The following ZNF347 variants were observed in gnomAD, a reference collection of about 807,000 sequenced individuals.
ZNF347 encodes zinc finger protein 347, also known as CTD-2620I22.7.
In ZNF347, 19 loss-of-function variants were observed where a neutral mutation model predicts 12.9. The observed-to-expected ratio is 1.47, with a 90% CI of 1.03 to 2.16. ZNF347 has a LOEUF of 2.16. ZNF347 is among the 30% of genes most tolerant of loss of function. The probability of loss-of-function intolerance (pLI) is 0.00; values close to 1 mark genes in which losing one functional copy is unlikely to be tolerated. For synonymous variants in ZNF347, 328 were observed against 340.6 expected (o/e 0.96, Z 0.41); for missense variants, 1,005 against 990.6 (o/e 1.01, Z -0.19).
intron 2 of ZNF347, among the ~76,000 whole-genome samples, chr19:53,149,748 G>A (rs113708963): frequency 9.2e-5 from 14 of 152,160 alleles, no homozygotes; most frequent in African/African-American, 3.1e-4. Flanking sequence ...GTAAGCAATC[G>A]TGCCCACTTA....
chr19:53,150,001 T>C (rs2090487652), intron 2 of ZNF347, among the ~76,000 whole-genome samples: 1 of 152,150 alleles, frequency 6.6e-6, no homozygotes, highest in Non-Finnish European at 1.5e-5. Flanking sequence ...AATAAATGGG[T>C]CAATATAAAT....
intron 1 of ZNF347, among the ~76,000 whole-genome samples, chr19:53,158,502 C>A (rs570457809): frequency 6.9e-6 from 1 of 145,600 alleles, no homozygotes; most frequent in African/African-American, 2.5e-5. Context: ...CGCGAAAGGC[C>A]GGGGACAGGG....
At chr19:53,143,184 T>G (rs1479143821) in intron 4 of ZNF347, among the ~76,000 whole-genome samples, 2 of 152,156 alleles carry the variant, frequency 1.3e-5, no homozygotes, top group African/African-American at 4.8e-5. Flanking sequence ...TGATATTGAT[T>G]TGAGATAAAT....
intron 1 of ZNF347, among the ~76,000 whole-genome samples, chr19:53,156,240 A>T (rs1410611523): frequency 1.3e-5 from 2 of 152,036 alleles, no homozygotes; most frequent in African/African-American, 2.4e-5. Context: ...CTCTACTAAA[A>T]ATACAAAAAT....
chr19:53,155,755 G>C (rs182658511), intron 1 of ZNF347, among the ~76,000 whole-genome samples: 1 of 152,206 alleles, frequency 6.6e-6, no homozygotes, highest in Non-Finnish European at 1.5e-5. Context: ...TTGATGGCAC[G>C]CATATTGTCC....
chr19:53,140,373 T>G lies in ZNF347; in HGVS notation c.2455A>C (p.Lys819Gln). ...QTIHTGGKPY[K>Q]CNVWKVLKSE... The stretch of plus-strand genomic sequence containing the variant: ...TTTAGAACTTTCCACACGTTACATT[T>G]GTAAGGTTTCCCACCAGTATGGATT... The change falls in exon 5 of 5, where the codon AAA (lysine) becomes CAA (glutamine). Residue 819 changes from lysine (K) to glutamine (Q), a missense_variant. Coordinates refer to ENST00000334197, the MANE Select transcript of ZNF347 (RefSeq NM_032584.3). 2 of 1,603,334 alleles carry G rather than the reference T, an allele frequency of 1.2e-6. No homozygotes were observed. Among genetic ancestry groups the G allele is most frequent in the Non-Finnish European group, 1.7e-6 (2 of 1,175,826 alleles).
chr19:53,156,989 T>C (rs2090540085), intron 1 of ZNF347, among the ~76,000 whole-genome samples: 2 of 152,136 alleles, frequency 1.3e-5, no homozygotes, highest in Admixed American at 6.5e-5. Context: ...CCCTGTTGTA[T>C]TGAGTGTGAC....
rs2090383247 is a variant in ZNF347 at position 53,135,375 on chromosome 19, G to GAGAGAGAGAGAA, written c.*4932_*4933insTTCTCTCTCTCT. The GAGAGAGAGAGAA allele has an allele frequency of 2.9e-5, 4 of 136,656 alleles. No homozygotes were observed. The highest frequency in any genetic ancestry group is 1.1e-4 in the African/African-American group (4 of 35,880). The allele number at this position is 136,656 out of a possible 1,614,324, so 8.5% of individuals were successfully genotyped here. On this transcript the variant is annotated 3_prime_UTR_variant, in exon 5 of 5. Transcript: ENST00000334197. ...AGAGAGAGAGAGAGAGAGAAAGAGA[G>GAGAGAGAGAGAA]AGAGAGAGAGAGAGAGAGATGGAGT...
chr19:53,158,018 T>C (rs1412640522), intron 1 of ZNF347, among the ~76,000 whole-genome samples: 1 of 152,210 alleles, frequency 6.6e-6, no homozygotes, highest in Non-Finnish European at 1.5e-5. Context: ...TCAGTTTTTC[T>C]ACTTCTCTCT....
At position 53,142,546 on chromosome 19, in the gene ZNF347, G is replaced by A. The variant is rs749929256; in HGVS notation, c.282C>T (p.Ser94=). The A allele has an allele frequency of 2.6e-5, 41 of 1,583,176 alleles. No individual in the cohort carries two copies. Among genetic ancestry groups the A allele is most frequent in the South Asian group, 3.5e-5 (3 of 86,064 alleles). Reference sequence around the variant, plus strand: ...GTAGTAAATCTTTCATTACAAATTCGGAAGAGAGAGCTACAAGATATAAAG... The same window carrying A: ...GTAGTAAATCTTTCATTACAAATTCAGAAGAGAGAGCTACAAGATATAAAG... ...WIKAVITALS[S]EFVMKDLLHK... The change falls in exon 5 of 5, where the codon TCC becomes TCT. Residue 94 remains serine (S), a synonymous_variant. Coordinates refer to ENST00000334197, the MANE Select transcript of ZNF347 (RefSeq NM_032584.3).
chr19:53,148,177 A>G (rs560794740), intron 4 of ZNF347, among the ~76,000 whole-genome samples: 1 of 152,358 alleles, frequency 6.6e-6, no homozygotes, highest in African/African-American at 2.4e-5. Flanking sequence ...AAGAGAAAGA[A>G]ATAAAAAGCA....
chr19:53,149,084 A>T, intron 3 of ZNF347, 157 bp downstream of exon 3: 1 of 1,444,694 alleles, frequency 6.9e-7, no homozygotes. Flanking sequence ...GGAAGAGGAA[A>T]ATTAAAATCC....
At position 53,141,593 on chromosome 19, in the gene ZNF347, T is replaced by G; in HGVS notation, c.1235A>C (p.Gln412Pro). The G allele has an allele frequency of 6.2e-7, 1 of 1,614,044 alleles. No homozygotes were observed. Among genetic ancestry groups the G allele is most frequent in the South Asian group, 1.1e-5 (1 of 91,072 alleles). Residue 412 changes from glutamine (Q) to proline (P), a missense_variant, in exon 5 of 5, where the codon CAA becomes CCA. Physicochemically the swap from Gln to Pro is moderately conservative, Grantham distance 76 (BLOSUM62 -1). Transcript: ENST00000334197. ...CCAGTGATTTGTAAGGTGTGAATTT[T>G]GAGTGAAGACCTTGCCACATTCATT... The part of the protein sequence containing the change: ...KCNECGKVFT[Q>P]NSHLTNHWRI...
Position 53,138,066 on chromosome 19 carries a change from C to G in ZNF347, c.*2242G>C, listed in dbSNP as rs149604576. On this transcript the variant is annotated 3_prime_UTR_variant, in exon 5 of 5. Transcript: ENST00000334197. ...CCATGATCCACCCGCCTTGGCCTCCCTAAGTGCTGGGATTACAGGTGTGAG... is the reference window on the plus strand; with the variant it reads ...CCATGATCCACCCGCCTTGGCCTCCGTAAGTGCTGGGATTACAGGTGTGAG... The G allele has an allele frequency of 6.6e-6, 1 of 152,200 alleles. No individual in the cohort carries two copies. Among genetic ancestry groups the G allele is most frequent in the South Asian group, 2.1e-4 (1 of 4,816 alleles). The allele number at this position is 152,200 out of a possible 1,614,324, so 9.4% of individuals were successfully genotyped here.
rs759327247 is a variant in ZNF347, at chr19:53,142,306, A to C, written c.522T>G (p.Asp174Glu). ...GATTTTTAATAAGCTTGTTTCTTGC[A>C]TCTCTTTTATCATGTTCATCTCTTC... ...THGRDEHDKR[D>E]ARNKLIKNQL... The change falls in exon 5 of 5, where the codon GAT becomes GAG. Residue 174 changes from aspartate to glutamate, a missense_variant. Transcript: ENST00000334197. The C allele has an allele frequency of 6.2e-7, 1 of 1,614,004 alleles. No individual in the cohort carries two copies. Among genetic ancestry groups the C allele is most frequent in the African/African-American group, 1.3e-5 (1 of 75,038 alleles).
chr19:53,147,274 C>A (rs1568640286), intron 4 of ZNF347, among the ~76,000 whole-genome samples: 1 of 152,048 alleles, frequency 6.6e-6, no homozygotes, highest in Non-Finnish European at 1.5e-5. Context: ...ACTTGGGAGG[C>A]AGAGGCAGGA....
At chr19:53,146,301 G>T (rs1568639779) in intron 4 of ZNF347, among the ~76,000 whole-genome samples, 1 of 151,706 alleles carries the variant, frequency 6.6e-6, no homozygotes, top group South Asian at 2.1e-4. Context: ...TAGAGATGGG[G>T]TCTATCTCTC....
At chr19:53,157,026 T>A (rs1304802654) in intron 1 of ZNF347, among the ~76,000 whole-genome samples, 1 of 152,074 alleles carries the variant, frequency 6.6e-6, no homozygotes, top group Non-Finnish European at 1.5e-5. Flanking sequence ...GGAAAAATAT[T>A]TTTTCCTCTT....
In ZNF347 at chr19:53,141,086, TTC is replaced by T. The variant is rs760434813; in HGVS notation, c.1740_1741del (p.Asn581PhefsTer17). On this transcript the variant is annotated frameshift_variant, in exon 5 of 5. Coordinates refer to ENST00000334197, the MANE Select transcript of ZNF347 (RefSeq NM_032584.3). LOFTEE classifies it low-confidence loss of function (END_TRUNC). ...TCCCCGATGTCTTGCAAGGTGTGAATTCTGAGTGAAGACCTTGCCACACTCAT... is the reference window on the plus strand; with the variant it reads ...TCCCCGATGTCTTGCAAGGTGTGAATTGAGTGAAGACCTTGCCACACTCAT... The T allele has an allele frequency of 4.3e-6, 7 of 1,614,074 alleles. No homozygotes were observed. The South Asian group carries it at 7.7e-5, about 18-fold the overall frequency.
Sources: gnomAD v4.1 joint callset for allele counts (sites outside exome capture counted in the v4.1 genomes callset) on GRCh38, gnomAD v4.1.1 for gene constraint, MANE v1.5 for transcripts, NCBI Gene and HGNC (gene_info 2026-07-23, HGNC 2026-07-21) for gene names.